MARCHF3: variants seen among roughly 807,000 people sequenced by gnomAD.
MARCHF3 encodes the protein E3 ubiquitin-protein ligase MARCHF3.
In MARCHF3, 13 loss-of-function variants were observed where a neutral mutation model predicts 24.2. That is an observed-to-expected ratio of 0.54 (90% confidence interval 0.35 to 0.85). The LOEUF (loss-of-function observed/expected upper bound fraction) is 0.85, where lower values mean the gene tolerates loss of function less well. Among genes scored for constraint, MARCHF3 ranks in the 40% least tolerant of loss-of-function variants. The pLI, the probability that MARCHF3 is intolerant of heterozygous loss-of-function variation, is 0.01. For missense variants in MARCHF3, 276 were observed against 325.0 expected (o/e 0.85, Z 1.16); for synonymous variants, 144 against 137.3 (o/e 1.05, Z -0.34).
chr5:126,982,919 T>C (rs187565880), intron 1 of MARCHF3, among the ~76,000 whole-genome samples: 2 of 152,320 alleles, frequency 1.3e-5, no homozygotes, highest in Admixed American at 1.3e-4. Flanking sequence ...ACTCCTTTGA[T>C]AAAAGGCAAA....
intron 1 of MARCHF3, among the ~76,000 whole-genome samples, chr5:126,928,963 C>G (rs1156785563): frequency 6.6e-6 from 1 of 152,076 alleles, no homozygotes; most frequent in East Asian, 1.9e-4. Context: ...CTTAATATTC[C>G]CTTGATATCA....
In MARCHF3 at chr5:127,022,084, T is replaced by C. The variant is rs76572863; in HGVS notation, c.-57+8266A>G. On this transcript the variant is annotated intron_variant, in intron 1 of 4. Coordinates refer to ENST00000308660, the MANE Select transcript of MARCHF3 (RefSeq NM_178450.5). ...GCCATATGATCTTGTTTCTCAATGA[T>C]AGATAAGTGAGCGGGAGGTGGTAAG... 8.5e-5 allele frequency among the ~76,000 whole-genome samples: 13 copies of C among 152,314 alleles called. No individual in the cohort carries two copies. In the East Asian group the frequency reaches 2.3e-3, roughly 27 times the overall value.
chr5:127,024,252 G>A (rs1752922808), intron 1 of MARCHF3, among the ~76,000 whole-genome samples: 2 of 152,192 alleles, frequency 1.3e-5, no homozygotes, highest in South Asian at 4.1e-4. Flanking sequence ...TTGAACACTA[G>A]GATTCACTTA....
chr5:126,975,209 C>A (rs1751152547), intron 1 of MARCHF3, among the ~76,000 whole-genome samples: 1 of 152,186 alleles, frequency 6.6e-6, no homozygotes, highest in Admixed American at 6.5e-5. Context: ...CCTGCCTTGG[C>A]CTCCCAAAGT....
intron 1 of MARCHF3, among the ~76,000 whole-genome samples, chr5:127,007,489 T>C (rs1466216467): frequency 6.6e-6 from 1 of 152,142 alleles, no homozygotes; most frequent in Non-Finnish European, 1.5e-5. Context: ...TATCTTCATA[T>C]TATCATTAGG....
At chr5:126,904,129 C>A (rs1406278215) in intron 3 of MARCHF3, among the ~76,000 whole-genome samples, 2 of 150,206 alleles carry the variant, frequency 1.3e-5, no homozygotes, top group African/African-American at 2.5e-5. Flanking sequence ...CACGTCCCTA[C>A]AAAGGACATG....
chr5:126,939,644 A>G (rs1749764371), intron 1 of MARCHF3, among the ~76,000 whole-genome samples: 1 of 152,266 alleles, frequency 6.6e-6, no homozygotes, highest in Non-Finnish European at 1.5e-5. Flanking sequence ...AGACTTGAAT[A>G]GAAAGGAAAT....
intron 1 of MARCHF3, among the ~76,000 whole-genome samples, chr5:126,958,251 ACAGGGAATATCTT>A (rs1206906812): frequency 5.9e-5 from 9 of 152,140 alleles, no homozygotes; most frequent in African/African-American, 2.2e-4. Context: ...GATCATGATG[ACAGGGAATATCTT>A]TGTCTTGTTT....
In MARCHF3 at chr5:127,005,958, T is replaced by C. The variant is rs532883408; in HGVS notation, c.-57+24392A>G. ...GGCTCATGCCTGTAATCCCACCACTTTGGGAGGCCGAGGCGGGCGGATCAC... is the reference window on the plus strand; with the variant it reads ...GGCTCATGCCTGTAATCCCACCACTCTGGGAGGCCGAGGCGGGCGGATCAC... On this transcript the variant is annotated intron_variant, in intron 1 of 4. Transcript: ENST00000308660. 1.1e-3 allele frequency among the ~76,000 whole-genome samples: 164 copies of C among 152,202 alleles called. 1 individual carries two copies. Among genetic ancestry groups the C allele is most frequent in the African/African-American group, 3.9e-3 (163 of 41,512 alleles).
chr5:126,922,512 TTTTATTTATTTATTTA>T (rs58540964), intron 1 of MARCHF3, among the ~76,000 whole-genome samples: 25 of 142,876 alleles, frequency 1.7e-4, no homozygotes, highest in Admixed American at 2.8e-4. Context: ...CATTTCTGTC[TTTTATTTATTTATTTA>T]TTTATTTATT....
chr5:126,914,290 C>T (rs1754643418), intron 3 of MARCHF3, among the ~76,000 whole-genome samples: 1 of 151,932 alleles, frequency 6.6e-6, no homozygotes, highest in South Asian at 2.1e-4. Flanking sequence ...GCCAAGAGTT[C>T]AATAACATTA....
chr5:126,896,023 T>C (rs918840451), intron 3 of MARCHF3, among the ~76,000 whole-genome samples: 7 of 152,174 alleles, frequency 4.6e-5, no homozygotes, highest in Admixed American at 3.3e-4. Context: ...GCGCCGTTTT[T>C]TAAGCCTGTC....
intron 1 of MARCHF3, among the ~76,000 whole-genome samples, chr5:126,942,985 G>T (rs1287566406): frequency 1.3e-5 from 2 of 152,172 alleles, no homozygotes; most frequent in Non-Finnish European, 2.9e-5. Context: ...AGTAATAAAG[G>T]ATATAAAAAT....
intron 1 of MARCHF3, among the ~76,000 whole-genome samples, chr5:127,022,752 C>T (rs1469875563): frequency 1.3e-5 from 2 of 152,176 alleles, no homozygotes; most frequent in Non-Finnish European, 2.9e-5. Context: ...AGTTCATGAC[C>T]TAATCTGGGG....
intron 3 of MARCHF3, among the ~76,000 whole-genome samples, chr5:126,890,431 T>TC (rs1726734200): frequency 1.1e-5 from 1 of 88,406 alleles, no homozygotes; most frequent in Admixed American, 1.4e-4. Flanking sequence ...ATGCTATCCC[T>TC]CCCCCCTCCC....
chr5:126,909,345 C>T (rs888215717), intron 3 of MARCHF3, among the ~76,000 whole-genome samples: 1 of 152,226 alleles, frequency 6.6e-6, no homozygotes, highest in Non-Finnish European at 1.5e-5. Flanking sequence ...TGGTGGGCTC[C>T]ACCCAGTTCA....
intron 1 of MARCHF3, among the ~76,000 whole-genome samples, chr5:127,014,783 A>T (rs12655435): frequency 0.051 from 7,823 of 152,220 alleles, 382 homozygotes; most frequent in South Asian, 0.14. Context: ...AAAGCAGAAC[A>T]GCGATTGCTA....
chr5:126,920,333 C>T (rs1749066333), intron 1 of MARCHF3, among the ~76,000 whole-genome samples: 1 of 152,176 alleles, frequency 6.6e-6, no homozygotes, highest in Non-Finnish European at 1.5e-5. Flanking sequence ...TGCATAACTA[C>T]TCTCCTCTGG....
At chr5:126,872,937 TG>T (rs1246904574) in intron 4 of MARCHF3, among the ~76,000 whole-genome samples, 5 of 152,034 alleles carry the variant, frequency 3.3e-5, no homozygotes, top group Non-Finnish European at 4.4e-5. Context: ...AGAGGCAGGC[TG>T]GGAAGCCAGC....
Sources: gnomAD v4.1 joint callset for allele counts (sites outside exome capture counted in the v4.1 genomes callset) on GRCh38, gnomAD v4.1.1 for gene constraint, MANE v1.5 for transcripts, NCBI Gene and HGNC (gene_info 2026-07-23, HGNC 2026-07-21) for gene names.